DMD: variants seen among roughly 807,000 people sequenced by gnomAD.
The protein encoded by DMD is dystrophin.
A neutral mutation model predicts 330.1 loss-of-function variants in DMD; 63 were observed. That is an observed-to-expected ratio of 0.19 (90% CI 0.16 to 0.24). DMD has a LOEUF of 0.24. DMD is among the 10% of genes least tolerant of loss of function. The pLI, the probability that DMD is intolerant of heterozygous loss-of-function variation, is 1.00. For missense variants in DMD, 3,344 were observed against 2,684.1 expected, an observed-to-expected ratio of 1.25 and a Z score of -5.43; for synonymous variants, 1,223 against 959.8, an observed-to-expected ratio of 1.27 and a Z score of -5.07.
At chrX:33,144,182 A>G in intron 1 of DMD, among the ~76,000 whole-genome samples, 1 of 111,779 alleles carries the variant, frequency 8.9e-6, no homozygotes, top group Non-Finnish European at 1.9e-5. Context: ...ACCTAGAAAG[A>G]CAAATATTGC....
At chrX:31,373,731 A>G (rs2059726699) in intron 60 of DMD, among the ~76,000 whole-genome samples, 1 of 111,497 alleles carries the variant, frequency 9.0e-6, no homozygotes, top group Admixed American at 9.5e-5. Context: ...AAGAAAACCT[A>G]GGCATTACCA....
rs765980615 is a variant in DMD, at chrX:32,399,210, G to T, written c.4234-9029C>A. 3.6e-5 allele frequency among the ~76,000 whole-genome samples: 4 copies of T among 111,541 alleles called. No homozygotes were observed. The South Asian group carries it at 1.5e-3, about 41-fold the overall frequency. Reference sequence around the variant, plus strand: ...CTTGAACCATACCACACAAGCACAGGCAACCAAAGCAAAAATGGACAAATG... The same window carrying T: ...CTTGAACCATACCACACAAGCACAGTCAACCAAAGCAAAAATGGACAAATG... On this transcript the variant is annotated intron_variant, in intron 30 of 78. Coordinates refer to ENST00000357033, the MANE Select transcript of DMD (RefSeq NM_004006.3).
chrX:31,484,592 T>A (rs1177361898), intron 57 of DMD, among the ~76,000 whole-genome samples: 1 of 111,875 alleles, frequency 8.9e-6, no homozygotes, highest in Non-Finnish European at 1.9e-5. Context: ...TTAGAAAATG[T>A]TAGGAATACT....
chrX:31,222,205 CAAAA>C (rs1424423229), intron 64 of DMD, among the ~76,000 whole-genome samples: 2 of 97,269 alleles, frequency 2.1e-5, no homozygotes, highest in Non-Finnish European at 4.1e-5. Context: ...CAAAAAAAAA[CAAAA>C]CAAACAAACA....
chrX:32,107,071 C>G (rs772661412), intron 44 of DMD, among the ~76,000 whole-genome samples: 1 of 111,231 alleles, frequency 9.0e-6, no homozygotes, highest in East Asian at 2.9e-4. Context: ...AAGAGGAATG[C>G]ATTTGATGAG....
At chrX:32,330,219 T>G (rs1254075021) in intron 41 of DMD, among the ~76,000 whole-genome samples, 1 of 112,210 alleles carries the variant, frequency 8.9e-6, no homozygotes, top group Non-Finnish European at 1.9e-5. Context: ...AAACTAAATT[T>G]TAAACAAACC....
intron 1 of DMD, among the ~76,000 whole-genome samples, chrX:33,286,859 T>C (rs2053440917): frequency 8.9e-6 from 1 of 112,266 alleles, no homozygotes; most frequent in Admixed American, 9.5e-5. Flanking sequence ...GTGGAAGTAA[T>C]TTGTGTCAAT....
intron 1 of DMD, among the ~76,000 whole-genome samples, chrX:33,330,902 C>G (rs371615107): frequency 2.7e-5 from 3 of 111,945 alleles, no homozygotes; most frequent in Non-Finnish European, 3.8e-5. Context: ...CCGGAAACCT[C>G]TAGCTCAGTC....
At chrX:32,657,267 G>C (rs1180986704) in intron 9 of DMD, among the ~76,000 whole-genome samples, 2 of 111,280 alleles carry the variant, frequency 1.8e-5, no homozygotes, top group Non-Finnish European at 3.8e-5. Flanking sequence ...GAAGGTCAGA[G>C]AGAAAATAAT....
intron 63 of DMD, among the ~76,000 whole-genome samples, chrX:31,242,605 C>T (rs751983249): frequency 8.0e-4 from 88 of 110,620 alleles, no homozygotes; most frequent in African/African-American, 2.7e-3. Flanking sequence ...TTTATTTCCC[C>T]CAAAACACAG....
At chrX:31,753,591 A>C (rs1342657824) in intron 51 of DMD, among the ~76,000 whole-genome samples, 1 of 112,088 alleles carries the variant, frequency 8.9e-6, no homozygotes, top group East Asian at 2.8e-4. Flanking sequence ...AAATATTTTA[A>C]AAGATCAGAG....
intron 60 of DMD, among the ~76,000 whole-genome samples, chrX:31,419,896 C>T (rs867971931): frequency 9.0e-6 from 1 of 111,716 alleles, no homozygotes; most frequent in African/African-American, 3.3e-5. Flanking sequence ...AGGTGTGATA[C>T]GAGAGCGGGA....
chrX:32,325,741 T>C (rs977733576), intron 41 of DMD, among the ~76,000 whole-genome samples: 2 of 110,718 alleles, frequency 1.8e-5, no homozygotes, highest in African/African-American at 6.6e-5. Context: ...CAATGGCTAA[T>C]AGCACTCTTA....
intron 43 of DMD, among the ~76,000 whole-genome samples, chrX:32,252,613 T>A (rs865860353): frequency 1.1e-4 from 9 of 79,896 alleles, no homozygotes; most frequent in Non-Finnish European, 1.8e-4. Flanking sequence ...CATATATAAA[T>A]AAATATATAA....
Position 31,658,020 on chromosome X carries a change from A to G in DMD, c.7997T>C (p.Ile2666Thr). 1 of 1,210,736 alleles carries G rather than the reference A, an allele frequency of 8.3e-7. No individual in the cohort carries two copies. The highest frequency in any genetic ancestry group is 1.1e-6 in the Non-Finnish European group (1 of 894,485). ...ATGAATGCTTCTCCAAGAGGCATTG[A>G]TATTCTCTGTTATCATGTGGACTTT... ...TRKVHMITEN[I>T]NASWRSIHKR... The change falls in exon 54 of 79, where the codon ATC (isoleucine) becomes ACC (threonine). Residue 2666 changes from isoleucine (I) to threonine (T), a missense_variant. Transcript: ENST00000357033.
At chrX:32,636,644 T>C (rs1276799515) in intron 11 of DMD, among the ~76,000 whole-genome samples, 2 of 111,999 alleles carry the variant, frequency 1.8e-5, no homozygotes, top group Non-Finnish European at 3.8e-5. Context: ...ATTTTCATTT[T>C]GAAAACATAA....
In DMD at chrX:32,498,912, C is replaced by T. The variant is rs149115694; in HGVS notation, c.2380+2843G>A. ...TTGTACTTTCAACAACCTTAACACC[C>T]TATCCTGTCTTCTCAGCATATGTCT... On this transcript the variant is annotated intron_variant, in intron 19 of 78. Transcript: ENST00000357033. Among the ~76,000 whole-genome samples the T allele has an allele frequency of 6.7e-3, 745 of 111,476 alleles. 4 individuals carry two copies. The highest frequency in any genetic ancestry group is 0.01 in the Non-Finnish European group (555 of 52,919).
At chrX:31,656,817 A>G (rs2080813755) in intron 54 of DMD, among the ~76,000 whole-genome samples, 1 of 111,534 alleles carries the variant, frequency 9.0e-6, no homozygotes, top group South Asian at 3.7e-4. Context: ...TAGGGCTCCA[A>G]TTAAAACTTC....
intron 51 of DMD, among the ~76,000 whole-genome samples, chrX:31,770,777 A>C (rs1325871930): frequency 1.8e-5 from 2 of 111,988 alleles, no homozygotes; most frequent in Admixed American, 1.9e-4. Context: ...GTGCCTCTCT[A>C]TCTACCTCAC....
Sources: gnomAD v4.1 joint callset for allele counts (sites outside exome capture counted in the v4.1 genomes callset) on GRCh38, gnomAD v4.1.1 for gene constraint, MANE v1.5 for transcripts, NCBI Gene and HGNC (gene_info 2026-07-23, HGNC 2026-07-21) for gene names.